The following KCNH7 variants were observed in gnomAD, a reference collection of about 807,000 sequenced individuals.
KCNH7 encodes potassium voltage-gated channel subfamily H member 7, also known as voltage-gated inwardly rectifying potassium channel KCNH7.
KCNH7 carries 49 observed loss-of-function variants against 120.8 expected under a neutral mutation model. The ratio of observed to expected loss-of-function variants is 0.41; its 90% CI spans 0.32 to 0.51. The LOEUF (loss-of-function observed/expected upper bound fraction) is 0.51, where lower values mean the gene tolerates loss of function less well. Among genes scored for constraint, KCNH7 ranks in the 20% least tolerant of loss-of-function variants. The pLI is 0.38. For synonymous variants in KCNH7, 547 were observed against 516.1 expected, an observed-to-expected ratio of 1.06 and a Z score of -0.81; for missense variants, 1,097 against 1,446.6, an observed-to-expected ratio of 0.76 and a Z score of 3.92.
intron 6 of KCNH7, among the ~76,000 whole-genome samples, chr2:162,495,553 A>G (rs1298533468): frequency 6.6e-6 from 1 of 152,216 alleles, no homozygotes; most frequent in Non-Finnish European, 1.5e-5. Flanking sequence ...CAAGCCAAGT[A>G]TAAGACTTAA....
chr2:162,643,245 T>A (rs1684228425), intron 2 of KCNH7, among the ~76,000 whole-genome samples: 1 of 151,954 alleles, frequency 6.6e-6, no homozygotes, highest in South Asian at 2.1e-4. Flanking sequence ...CAGCCCCAGG[T>A]GATGACCATT....
At chr2:162,641,402 A>G (rs909181595) in intron 2 of KCNH7, among the ~76,000 whole-genome samples, 6 of 152,152 alleles carry the variant, frequency 3.9e-5, no homozygotes, top group Non-Finnish European at 8.8e-5. Flanking sequence ...GCCACTACTA[A>G]AAGATTACAT....
intron 6 of KCNH7, among the ~76,000 whole-genome samples, chr2:162,446,940 T>G (rs530572256): frequency 6.6e-5 from 10 of 152,230 alleles, no homozygotes; most frequent in Non-Finnish European, 1.3e-4. Flanking sequence ...CTCATTCAAA[T>G]TTTAATTAAG....
In KCNH7 at chr2:162,570,067, T is replaced by C. The variant is rs544373613; in HGVS notation, c.308-32987A>G. On this transcript the variant is annotated intron_variant, in intron 2 of 15. Transcript: ENST00000332142. ...AGGTCTGCTTGGTGCAGAGCTGAGT[T>C]CAATTCCTGGGTAACCTTGTTGACT... Among the ~76,000 whole-genome samples, 13 of 142,150 alleles carry C rather than the reference T, an allele frequency of 9.1e-5. No homozygotes were observed. The South Asian group carries it at 3.1e-3, about 34-fold the overall frequency. The allele number at this position is 142,150 out of a possible 152,430, so 93.3% of individuals were successfully genotyped here.
chr2:162,739,854 T>C (rs1688057961), intron 2 of KCNH7, among the ~76,000 whole-genome samples: 1 of 152,138 alleles, frequency 6.6e-6, no homozygotes, highest in African/African-American at 2.4e-5. Flanking sequence ...ATCAATGAGA[T>C]ATGGATATTA....
intron 2 of KCNH7, among the ~76,000 whole-genome samples, chr2:162,763,052 A>G (rs1370921158): frequency 1.3e-5 from 2 of 152,090 alleles, no homozygotes; most frequent in Admixed American, 6.6e-5. Context: ...CACTGCTACT[A>G]TGATTCTCTC....
At chr2:162,660,376 T>C (rs559046434) in intron 2 of KCNH7, among the ~76,000 whole-genome samples, 1 of 152,312 alleles carries the variant, frequency 6.6e-6, no homozygotes, top group South Asian at 2.1e-4. Context: ...ATTTCTTGTT[T>C]GACCCATGTG....
At chr2:162,394,259 A>T (rs552738872) in intron 12 of KCNH7, 130 bp downstream of exon 12, 7 of 658,254 alleles carry the variant, frequency 1.1e-5, no homozygotes, top group South Asian at 8.7e-5. Flanking sequence ...CTACTGAATA[A>T]AGCAAAGGAT....
intron 2 of KCNH7, among the ~76,000 whole-genome samples, chr2:162,633,183 A>G (rs1434443072): frequency 6.6e-6 from 1 of 151,922 alleles, no homozygotes; most frequent in African/African-American, 2.4e-5. Context: ...TTTAGGTAAC[A>G]CACGGGGGTT....
At chr2:162,642,792 T>C (rs1684212217) in intron 2 of KCNH7, among the ~76,000 whole-genome samples, 1 of 152,194 alleles carries the variant, frequency 6.6e-6, no homozygotes, top group African/African-American at 2.4e-5. Context: ...GTTCTTGCTA[T>C]TCCTGTAGAA....
chr2:162,623,460 A>G (rs1197479682), intron 2 of KCNH7, among the ~76,000 whole-genome samples: 1 of 152,212 alleles, frequency 6.6e-6, no homozygotes, highest in South Asian at 2.1e-4. Flanking sequence ...TTTATAATTC[A>G]ACAAAAATAA....
chr2:162,786,278 C>G (rs1286353684), intron 2 of KCNH7, among the ~76,000 whole-genome samples: 1 of 151,132 alleles, frequency 6.6e-6, no homozygotes, highest in Non-Finnish European at 1.5e-5. Flanking sequence ...GTAGTATGAG[C>G]CAACATTCTT....
At chr2:162,788,083 A>G (rs1683779565) in intron 2 of KCNH7, among the ~76,000 whole-genome samples, 1 of 151,954 alleles carries the variant, frequency 6.6e-6, no homozygotes, top group Admixed American at 6.5e-5. Flanking sequence ...GCTTATAATC[A>G]TGGAATCATG....
At chr2:162,782,251 T>C (rs1419583538) in intron 2 of KCNH7, among the ~76,000 whole-genome samples, 1 of 152,044 alleles carries the variant, frequency 6.6e-6, no homozygotes, top group African/African-American at 2.4e-5. Context: ...ACAAAATACA[T>C]ATGTAATATA....
chr2:162,575,663 G>A (rs190740598), intron 2 of KCNH7, among the ~76,000 whole-genome samples: 25 of 152,072 alleles, frequency 1.6e-4, no homozygotes, highest in Non-Finnish European at 2.8e-4. Context: ...ACTTTCCCAC[G>A]GAACATAAAA....
chr2:162,443,874 C>T (rs985162817), intron 7 of KCNH7, among the ~76,000 whole-genome samples: 2 of 152,164 alleles, frequency 1.3e-5, no homozygotes, highest in Non-Finnish European at 2.9e-5. Context: ...TGTGGTTCAG[C>T]CTGGCAGCCA....
intron 2 of KCNH7, among the ~76,000 whole-genome samples, chr2:162,701,930 T>C (rs1686517708): frequency 6.6e-6 from 1 of 151,742 alleles, no homozygotes; most frequent in Admixed American, 6.6e-5. Flanking sequence ...TTGCATGAAC[T>C]TGGGAGGCGG....
intron 2 of KCNH7, among the ~76,000 whole-genome samples, chr2:162,565,585 T>G (rs1381846827): frequency 6.6e-6 from 1 of 152,084 alleles, no homozygotes; most frequent in Non-Finnish European, 1.5e-5. Context: ...CATTAAATAG[T>G]CACTTGTTGA....
At chr2:162,772,339 C>T (rs963367522) in intron 2 of KCNH7, among the ~76,000 whole-genome samples, 2 of 152,114 alleles carry the variant, frequency 1.3e-5, no homozygotes, top group African/African-American at 4.8e-5. Context: ...AGGAATTTTC[C>T]TGTACCCTCT....
Sources: allele counts gnomAD v4.1 joint callset (sites outside exome capture counted in the v4.1 genomes callset), GRCh38; gene constraint gnomAD v4.1.1; transcripts MANE v1.5; gene names NCBI Gene and HGNC (gene_info 2026-07-23, HGNC 2026-07-21).